Variants in LYPD6 observed in about 807,000 individuals in gnomAD.
LYPD6 encodes the protein LY6/PLAUR domain containing 6.
Under a neutral mutation model 22.7 loss-of-function variants are expected in LYPD6, and 15 were observed. The ratio of observed to expected loss-of-function variants is 0.66; its 90% CI spans 0.44 to 1.02. The LOEUF is 1.02. Among genes scored for constraint, LYPD6 ranks in the 50% least tolerant of loss-of-function variants. The pLI is 0.00. For missense variants in LYPD6, 189 were observed against 208.4 expected (o/e 0.91, Z 0.57); for synonymous variants, 72 against 77.5 (o/e 0.93, Z 0.37).
rs530054715 is a variant in LYPD6 at position 149,461,159 on chromosome 2, A to G, written c.218-7486A>G. 2.0e-5 allele frequency among the ~76,000 whole-genome samples: 3 copies of G among 152,174 alleles called. No individual in the cohort carries two copies. The South Asian group carries it at 6.2e-4, about 31-fold the overall frequency. ...TAAGAATAAAACTCAATGAGAATAC[A>G]TATACTAAAACATTTCATTGTACAC... On this transcript the variant is annotated intron_variant, in intron 3 of 4. Coordinates refer to ENST00000334166, the MANE Select transcript of LYPD6 (RefSeq NM_194317.5).
At position 149,473,888 on chromosome 2, in the gene LYPD6, C is replaced by CA. The variant is rs1681400145; in HGVS notation, c.*3039dup. The CA allele has an allele frequency of 6.6e-6, 1 of 152,100 alleles. No individual in the cohort carries two copies. Among genetic ancestry groups the CA allele is most frequent in the South Asian group, 2.1e-4 (1 of 4,820 alleles). 9.4% of individuals were successfully genotyped at this position (152,100 alleles called of 1,614,324 possible). Reference sequence around the variant, plus strand: ...AATAAGGTCTACAGCTTCCCAAGAGCATGTCTTTGTTAAATCAGGAAATAT... The same window carrying CA: ...AATAAGGTCTACAGCTTCCCAAGAGCAATGTCTTTGTTAAATCAGGAAATAT... On this transcript the variant is annotated 3_prime_UTR_variant, in exon 5 of 5. Transcript: ENST00000334166.
chr2:149,339,956 A>C (rs1681128337), intron 1 of LYPD6, among the ~76,000 whole-genome samples: 2 of 152,178 alleles, frequency 1.3e-5, no homozygotes, highest in South Asian at 4.1e-4. Flanking sequence ...TAACCGAATG[A>C]ATTCACAACA....
At chr2:149,454,665 C>A (rs765815496) in intron 3 of LYPD6, among the ~76,000 whole-genome samples, 1 of 152,030 alleles carries the variant, frequency 6.6e-6, no homozygotes, top group Admixed American at 6.6e-5. Flanking sequence ...ACTGCCTGAC[C>A]GTTTGCAAAA....
At chr2:149,451,087 A>T (rs1316475094) in intron 3 of LYPD6, among the ~76,000 whole-genome samples, 1 of 152,148 alleles carries the variant, frequency 6.6e-6, no homozygotes, top group Non-Finnish European at 1.5e-5. Flanking sequence ...TATATAAACA[A>T]TAGAAGTTAT....
chr2:149,366,512 G>T (rs565613565), intron 1 of LYPD6, among the ~76,000 whole-genome samples: 10 of 152,278 alleles, frequency 6.6e-5, no homozygotes, highest in African/African-American at 2.2e-4. Context: ...TGATTTGGGA[G>T]AATGCCAGAT....
chr2:149,407,599 C>T lies in LYPD6; in HGVS notation c.-71-30039C>T, dbSNP rs1240170980. On this transcript the variant is annotated intron_variant, in intron 1 of 4. Coordinates refer to ENST00000334166, the MANE Select transcript of LYPD6 (RefSeq NM_194317.5). The stretch of plus-strand genomic sequence containing the variant: ...TCGGCTCCATCAGCTCCTTTAAGCA[C>T]TTCTCTGTATTGGTTATTCTAGTTA... 2.0e-5 allele frequency among the ~76,000 whole-genome samples: 3 copies of T among 152,178 alleles called. No individual in the cohort carries two copies. The East Asian group carries it at 5.8e-4, about 29-fold the overall frequency.
chr2:149,437,784 C>G lies in LYPD6; in HGVS notation c.76C>G (p.Arg26Gly). Residue 26 changes from arginine (R) to glycine (G), a missense_variant, in exon 2 of 5, where the codon CGA becomes GGA. Coordinates refer to ENST00000334166, the MANE Select transcript of LYPD6 (RefSeq NM_194317.5). ...LADCLKAAQS[R>G]DFTVKDIIYL... is the part of the protein sequence containing the mutation. ...GGATTGTCTGAAAGCTGCTCAGTCCCGAGACTTCACAGTGAAAGACATTAT... is the reference window on the plus strand; with the variant it reads ...GGATTGTCTGAAAGCTGCTCAGTCCGGAGACTTCACAGTGAAAGACATTAT... 1 of 1,614,144 alleles carries G rather than the reference C, an allele frequency of 6.2e-7. No homozygotes were observed. The highest frequency in any genetic ancestry group is 8.5e-7 in the Non-Finnish European group (1 of 1,180,024).
At chr2:149,386,496 A>G (rs1682188508) in intron 1 of LYPD6, among the ~76,000 whole-genome samples, 1 of 152,192 alleles carries the variant, frequency 6.6e-6, no homozygotes, top group Admixed American at 6.5e-5. Flanking sequence ...CTTGAATATC[A>G]GGCTCAGAGT....
chr2:149,372,479 A>G (rs1438067761), intron 1 of LYPD6, among the ~76,000 whole-genome samples: 1 of 152,232 alleles, frequency 6.6e-6, no homozygotes, highest in African/African-American at 2.4e-5. Context: ...CTGAGGGACA[A>G]TTCACAAGGA....
downstream of LYPD6, among the ~76,000 whole-genome samples, chr2:149,476,822 G>A (rs1573840464): frequency 6.6e-6 from 1 of 152,186 alleles, no homozygotes; most frequent in South Asian, 2.1e-4. Flanking sequence ...TGCACCTGGC[G>A]ATGGCTACTG....
downstream of LYPD6, among the ~76,000 whole-genome samples, chr2:149,476,747 CTGTT>C (rs768419108): frequency 6.6e-6 from 1 of 152,192 alleles, no homozygotes; most frequent in African/African-American, 2.4e-5. Flanking sequence ...AGGAGCGTGA[CTGTT>C]TGGGTCCTAT....
At chr2:149,349,009 A>C (rs1384651658) in intron 1 of LYPD6, among the ~76,000 whole-genome samples, 2 of 152,164 alleles carry the variant, frequency 1.3e-5, no homozygotes, top group Non-Finnish European at 2.9e-5. Flanking sequence ...GGACCTGATA[A>C]CTGGAAGGGT....
At chr2:149,362,659 A>C (rs1237129067) in intron 1 of LYPD6, among the ~76,000 whole-genome samples, 1 of 152,240 alleles carries the variant, frequency 6.6e-6, no homozygotes, top group East Asian at 1.9e-4. Flanking sequence ...CCTTTTTGCT[A>C]CATCATCCCA....
chr2:149,446,517 AT>A (rs1359484318), intron 2 of LYPD6, among the ~76,000 whole-genome samples: 1 of 152,222 alleles, frequency 6.6e-6, no homozygotes, highest in African/African-American at 2.4e-5. Flanking sequence ...GGTATAAAAA[AT>A]ATTTGTTTAT....
intron 2 of LYPD6, 77 bp downstream of exon 2, chr2:149,437,903 G>A (rs570404212): frequency 1.6e-5 from 24 of 1,521,594 alleles, no homozygotes; most frequent in Non-Finnish European, 2.2e-5. Flanking sequence ...CCAGGAAAAG[G>A]CATCCTTCAG....
intron 3 of LYPD6, among the ~76,000 whole-genome samples, chr2:149,468,443 A>G (rs896834913): frequency 5.3e-5 from 8 of 152,182 alleles, no homozygotes; most frequent in Non-Finnish European, 8.8e-5. Context: ...AGAAATCAAT[A>G]TTCTTTGAAG....
At chr2:149,465,480 C>T (rs1264543307) in intron 3 of LYPD6, among the ~76,000 whole-genome samples, 1 of 152,116 alleles carries the variant, frequency 6.6e-6, no homozygotes, top group Non-Finnish European at 1.5e-5. Flanking sequence ...AATTTTCTTG[C>T]ACCTGGAAAA....
chr2:149,473,473 T>G lies in LYPD6; in HGVS notation c.*2623T>G, dbSNP rs1318290076. Reference sequence around the variant, plus strand: ...ATTACATCTCAATATTGGTAATGGCTTAAGTGTAAAGAGCCATGATGTGTA... The same window carrying G: ...ATTACATCTCAATATTGGTAATGGCGTAAGTGTAAAGAGCCATGATGTGTA... On this transcript the variant is annotated 3_prime_UTR_variant, in exon 5 of 5. Transcript: ENST00000334166. 7.2e-5 allele frequency: 11 copies of G among 152,636 alleles called. No individual in the cohort carries two copies. The highest frequency in any genetic ancestry group is 7.2e-4 in the Admixed American group (11 of 15,288). 9.5% of individuals were successfully genotyped at this position (152,636 alleles called of 1,614,324 possible).
At position 149,437,643 on chromosome 2, in the gene LYPD6, A is replaced by G. The variant is rs557704701; in HGVS notation, c.-66A>G. On this transcript the variant is annotated 5_prime_UTR_variant, in exon 2 of 5. Transcript: ENST00000334166. ...ATTCTTTCTTCATTTTTCAGGTGCA[A>G]GTTCTCTCCTGTTGCCCTGAGTGCC... 3.1e-6 allele frequency: 5 copies of G among 1,592,318 alleles called. No homozygotes were observed. Among genetic ancestry groups the G allele is most frequent in the South Asian group, 2.2e-5 (2 of 89,918 alleles).
Sources: allele counts gnomAD v4.1 joint callset (sites outside exome capture counted in the v4.1 genomes callset), GRCh38; gene constraint gnomAD v4.1.1; transcripts MANE v1.5; gene names NCBI Gene and HGNC (gene_info 2026-07-23, HGNC 2026-07-21).